The following GTF2H3 variants were observed in gnomAD, a reference collection of about 807,000 sequenced individuals.
GTF2H3 encodes the protein general transcription factor IIH subunit 3.
GTF2H3 carries 42 observed loss-of-function variants against 51.1 expected under a neutral mutation model. That is an observed-to-expected ratio of 0.82 (90% CI 0.64 to 1.06). The LOEUF is 1.06. Ranked by LOEUF, GTF2H3 falls within the 50% of genes least tolerant of loss-of-function variation. The pLI is 0.00. For missense variants in GTF2H3, 326 were observed against 366.1 expected (o/e 0.89, Z 0.89); for synonymous variants, 123 against 123.8 (o/e 0.99, Z 0.04).
chr12:123,638,225 C>G (rs1955314016), intron 1 of GTF2H3, among the ~76,000 whole-genome samples: 1 of 151,810 alleles, frequency 6.6e-6, no homozygotes, highest in Admixed American at 6.6e-5. Flanking sequence ...GTGGTGCAAT[C>G]TTGGCTCACT....
Position 123,659,914 on chromosome 12 carries a change from T to A in GTF2H3, c.804T>A (p.Cys268Ter), listed in dbSNP as rs1378898281. The A allele has an allele frequency of 6.2e-7, 1 of 1,613,622 alleles. No individual in the cohort carries two copies. The highest frequency in any genetic ancestry group is 2.2e-5 in the East Asian group (1 of 44,888). Residue 268 changes from cysteine to a stop codon, truncating the protein, a stop_gained, in exon 11 of 13, where the codon TGT (cysteine) becomes TGA (stop). Coordinates refer to ENST00000543341, the MANE Select transcript of GTF2H3 (RefSeq NM_001516.5). LOFTEE classifies it high-confidence loss of function. ...ATCTCATTGAAATTGGTTATGTCTGTTCTGTGTGTTTGTCAAGTAAGTTAA... is the reference window on the plus strand; with the variant it reads ...ATCTCATTGAAATTGGTTATGTCTGATCTGTGTGTTTGTCAAGTAAGTTAA... ...HRNLIEIGYV[C>*]SVCLSIFCNF...
At chr12:123,656,796 A>G (rs1955592408) in intron 9 of GTF2H3, among the ~76,000 whole-genome samples, 1 of 152,158 alleles carries the variant, frequency 6.6e-6, no homozygotes, top group African/African-American at 2.4e-5. Context: ...TGCCTTTAAA[A>G]TATATCCTGG....
chr12:123,638,661 A>C (rs1335827073), intron 1 of GTF2H3, among the ~76,000 whole-genome samples: 1 of 152,116 alleles, frequency 6.6e-6, no homozygotes, highest in Non-Finnish European at 1.5e-5. Context: ...GCAGTGTGGT[A>C]GGAGTGAGGA....
chr12:123,638,637 C>G (rs1955321874), intron 1 of GTF2H3, among the ~76,000 whole-genome samples: 1 of 151,778 alleles, frequency 6.6e-6, no homozygotes, highest in African/African-American at 2.4e-5. Context: ...TATTGAGCAG[C>G]TGCAATGTGC....
At chr12:123,650,279 A>G (rs1955503445) in intron 4 of GTF2H3, 1 of 152,194 alleles carries the variant, frequency 6.6e-6, no homozygotes, top group Admixed American at 6.6e-5. Context: ...AACAAGTGGC[A>G]AACTCCTCCC....
Position 123,659,504 on chromosome 12 carries a change from T to C in GTF2H3, c.616-12T>C, listed in dbSNP as rs1482038566. ...AGTGCGAGTTTGGCAGCAAGCCGCC[T>C]GTGTCTTGCAGGCTTGTGACATCAC... is the stretch of plus-strand genomic sequence containing the variant. On this transcript the variant is annotated splice_polypyrimidine_tract_variant and intron_variant, in intron 9 of 12. Coordinates refer to ENST00000543341, the MANE Select transcript of GTF2H3 (RefSeq NM_001516.5). The C allele has an allele frequency of 6.2e-7, 1 of 1,613,864 alleles. No individual in the cohort carries two copies. The highest frequency in any genetic ancestry group is 2.2e-5 in the East Asian group (1 of 44,888).
In GTF2H3 at chr12:123,639,285, T is replaced by TTATTGTAG. The variant is rs1272858874; in HGVS notation, c.37_44dup (p.Asp16LeufsTer2). The TTATTGTAG allele has an allele frequency of 6.4e-7, 1 of 1,558,014 alleles. No individual in the cohort carries two copies. Among genetic ancestry groups the TTATTGTAG allele is most frequent in the African/African-American group, 1.4e-5 (1 of 73,922 alleles). The stretch of plus-strand genomic sequence containing the variant: ...TCAGAAGATGAATTGAATCTTCTGG[T>TTATTGTAG]TATTGTAGTTGATGCCAACCCAATT... On this transcript the variant is annotated frameshift_variant, in exon 2 of 13. Coordinates refer to ENST00000543341, the MANE Select transcript of GTF2H3 (RefSeq NM_001516.5). LOFTEE classifies it high-confidence loss of function.
intron 1 of GTF2H3, among the ~76,000 whole-genome samples, chr12:123,636,396 G>T (rs1955283656): frequency 6.6e-6 from 1 of 152,204 alleles, no homozygotes; most frequent in Non-Finnish European, 1.5e-5. Context: ...TCAAAGATGG[G>T]GTAGAGATTC....
In GTF2H3 at chr12:123,653,384, G is replaced by C. The variant is rs907444381; in HGVS notation, c.486+649G>C. ...AGATTTAAAAAAGAAATTCAAGGCT[G>C]AGCACGGTGGCTCACTCCTGTAATC... On this transcript the variant is annotated intron_variant, in intron 7 of 12. Transcript: ENST00000543341. Among the ~76,000 whole-genome samples, 3 of 151,680 alleles carry C rather than the reference G, an allele frequency of 2.0e-5. No homozygotes were observed. The East Asian group carries it at 5.8e-4, about 29-fold the overall frequency.
chr12:123,640,292 A>C (rs908549735), intron 2 of GTF2H3, among the ~76,000 whole-genome samples: 1 of 149,390 alleles, frequency 6.7e-6, no homozygotes, highest in Admixed American at 6.7e-5. Flanking sequence ...GATTTTTTTC[A>C]TGTAAATGGA....
chr12:123,653,799 C>T (rs10846537), intron 7 of GTF2H3, among the ~76,000 whole-genome samples: 65,136 of 151,834 alleles, frequency 0.43, 15,074 homozygotes, highest in African/African-American at 0.59. Flanking sequence ...TGGTAAAAAT[C>T]TTTTCTGGGG....
intron 1 of GTF2H3, among the ~76,000 whole-genome samples, chr12:123,638,245 G>A (rs539978260): frequency 2.0e-4 from 30 of 151,858 alleles, no homozygotes; most frequent in African/African-American, 6.8e-4. Flanking sequence ...TGCAGCCTCC[G>A]CCTCCCGGGT....
intron 10 of GTF2H3, 104 bp downstream of exon 10, chr12:123,659,688 AGGG>A: frequency 6.8e-7 from 1 of 1,461,864 alleles, no homozygotes; most frequent in Non-Finnish European, 9.6e-7. Flanking sequence ...ACTCAGGAGA[AGGG>A]AATAAATGGA....
intron 9 of GTF2H3, among the ~76,000 whole-genome samples, chr12:123,657,605 T>G (rs1020886472): frequency 2.3e-4 from 35 of 152,236 alleles, no homozygotes; most frequent in African/African-American, 8.0e-4. Flanking sequence ...GCCTACTTTA[T>G]TTTTCTTCAT....
Position 123,660,190 on chromosome 12 carries a change from TC to T in GTF2H3, c.884del (p.Pro295GlnfsTer3), listed in dbSNP as rs1477860761. On this transcript the variant is annotated frameshift_variant, in exon 13 of 13. Transcript: ENST00000543341. LOFTEE classifies it high-confidence loss of function. ...CETAFKISLP[P>X]VLKAKKKKLK... Reference sequence around the variant, plus strand: ...GGACAGCCTTTAAAATTTCTCTGCCTCCAGTGCTGAAAGCCAAGAAAAAGAA... The same window carrying T: ...GGACAGCCTTTAAAATTTCTCTGCCTCAGTGCTGAAAGCCAAGAAAAAGAA... The T allele has an allele frequency of 6.2e-7, 1 of 1,611,778 alleles. No homozygotes were observed. Among genetic ancestry groups the T allele is most frequent in the Non-Finnish European group, 8.5e-7 (1 of 1,179,310 alleles).
rs1401991047 is a variant in GTF2H3, at chr12:123,660,625, A to G, written c.*390A>G. Reference sequence around the variant, plus strand: ...GAACGTAGCTTTGGAAAAAGGGACTATTTGTGGAGTAATGGCATTAATCAA... The same window carrying G: ...GAACGTAGCTTTGGAAAAAGGGACTGTTTGTGGAGTAATGGCATTAATCAA... On this transcript the variant is annotated 3_prime_UTR_variant, in exon 13 of 13. Transcript: ENST00000543341. 1 of 159,556 alleles carries G rather than the reference A, an allele frequency of 6.3e-6. No homozygotes were observed. Among genetic ancestry groups the G allele is most frequent in the Non-Finnish European group, 1.4e-5 (1 of 73,170 alleles). 9.9% of individuals were successfully genotyped at this position (159,556 alleles called of 1,614,324 possible).
chr12:123,655,898 T>C (rs1031775653), intron 9 of GTF2H3, 74 bp downstream of exon 9: 1 of 953,090 alleles, frequency 1.0e-6, no homozygotes, highest in Non-Finnish European at 1.7e-6. Flanking sequence ...CAATTTAAAA[T>C]GAAAGCTTTG....
intron 3 of GTF2H3, 109 bp from the exon 4 acceptor site, chr12:123,647,854 C>A: frequency 1.6e-6 from 1 of 609,530 alleles, no homozygotes; most frequent in Non-Finnish European, 2.7e-6. Flanking sequence ...CTTGTGAGTC[C>A]CACATTGTTG....
At chr12:123,655,179 G>A (rs1179580497) in intron 8 of GTF2H3, among the ~76,000 whole-genome samples, 181 bp downstream of exon 8, 1 of 152,132 alleles carries the variant, frequency 6.6e-6, no homozygotes, top group Non-Finnish European at 1.5e-5. Context: ...TTGAGAATCT[G>A]ATGCATTCCC....
Sources: allele counts gnomAD v4.1 joint callset (sites outside exome capture counted in the v4.1 genomes callset), GRCh38; gene constraint gnomAD v4.1.1; transcripts MANE v1.5; gene names NCBI Gene and HGNC (gene_info 2026-07-23, HGNC 2026-07-21).